Variants in RBFOX1 observed in about 807,000 individuals in gnomAD.
The protein encoded by RBFOX1 is RNA binding protein fox-1 homolog 1.
A neutral mutation model predicts 57.7 loss-of-function variants in RBFOX1; 8 were observed. The observed-to-expected ratio is 0.14, with a 90% CI of 0.08 to 0.25. The LOEUF (loss-of-function observed/expected upper bound fraction) is 0.25, where lower values mean the gene tolerates loss of function less well. RBFOX1 is among the 10% of genes least tolerant of loss of function. The pLI, the probability that RBFOX1 is intolerant of heterozygous loss-of-function variation, is 1.00. For missense variants in RBFOX1, 611 were observed against 548.5 expected (o/e 1.11, Z -1.14); for synonymous variants, 326 against 222.4 (o/e 1.47, Z -4.15).
At chr16:5,810,443 T>C (rs549966274) in intron 3 of RBFOX1, among the ~76,000 whole-genome samples, 1 of 152,162 alleles carries the variant, frequency 6.6e-6, no homozygotes, top group Non-Finnish European at 1.5e-5. Flanking sequence ...TTGTGGAAAA[T>C]TAATTTTTGT....
upstream of RBFOX1, among the ~76,000 whole-genome samples, chr16:6,018,338 C>T (rs151058439): frequency 1.3e-5 from 2 of 152,282 alleles, no homozygotes; most frequent in Non-Finnish European, 2.9e-5. Context: ...GGATAAACCT[C>T]CAGTATCTAC....
intron 3 of RBFOX1, among the ~76,000 whole-genome samples, chr16:5,852,835 G>A (rs1483572742): frequency 2.0e-5 from 3 of 151,694 alleles, no homozygotes; most frequent in African/African-American, 7.3e-5. Context: ...ATCTCTAAGG[G>A]GAAAAAAAAG....
At chr16:5,666,443 C>T (rs757923757) in intron 3 of RBFOX1, among the ~76,000 whole-genome samples, 10 of 152,164 alleles carry the variant, frequency 6.6e-5, no homozygotes, top group Middle Eastern at 3.2e-3. Flanking sequence ...ATTGAATTCA[C>T]TTTGTTCCCT....
rs143236925 is a variant in RBFOX1 at position 6,935,387 on chromosome 16, T to C, written c.-15-116670T>C. On this transcript the variant is annotated intron_variant, in intron 3 of 15. Transcript: ENST00000550418. ...ATAGAATAGAATGTAGCAGACACAA[T>C]ACCATGTGACTTCCAACAGTAGATC... Among the ~76,000 whole-genome samples, 187 of 152,286 alleles carry C rather than the reference T, an allele frequency of 1.2e-3. 1 individual carries two copies. The highest frequency in any genetic ancestry group is 4.3e-3 in the African/African-American group (180 of 41,578).
chr16:6,993,471 T>C (rs1057237588), intron 3 of RBFOX1, among the ~76,000 whole-genome samples: 6 of 152,112 alleles, frequency 3.9e-5, no homozygotes, highest in Admixed American at 3.9e-4. Flanking sequence ...GAAGGGGAGA[T>C]GGGGAAAGCC....
At chr16:7,294,282 TC>T (rs1433775917) in intron 4 of RBFOX1, among the ~76,000 whole-genome samples, 1 of 152,110 alleles carries the variant, frequency 6.6e-6, no homozygotes, top group African/African-American at 2.4e-5. Context: ...GGAAACAGAC[TC>T]CCACCCTCTC....
chr16:7,711,351 A>G lies in RBFOX1; in HGVS notation c.*606A>G, dbSNP rs1216794834. ...GTCATGTTGTTAAGGGGGTGCTTCT[A>G]GTAGCACTTGTGCATCTGAGTTGAA... On this transcript the variant is annotated 3_prime_UTR_variant, in exon 16 of 16. Transcript: ENST00000550418. 6.6e-6 allele frequency: 1 copy of G among 152,608 alleles called. No homozygotes were observed. The highest frequency in any genetic ancestry group is 1.5e-5 in the Non-Finnish European group (1 of 68,044). 9.5% of individuals were successfully genotyped at this position (152,608 alleles called of 1,614,324 possible).
intron 4 of RBFOX1, among the ~76,000 whole-genome samples, chr16:7,449,585 G>T (rs149449488): frequency 2.6e-5 from 4 of 151,860 alleles, no homozygotes; most frequent in African/African-American, 9.7e-5. Context: ...CTTTAACCTC[G>T]TTAGACTTGA....
chr16:5,589,181 C>G (rs2046928180), intron 2 of RBFOX1, among the ~76,000 whole-genome samples: 1 of 152,106 alleles, frequency 6.6e-6, no homozygotes, highest in African/African-American at 2.4e-5. Context: ...GCTGTTGGCC[C>G]CTATCTGCAC....
intron 1 of RBFOX1, among the ~76,000 whole-genome samples, chr16:5,292,132 A>G (rs186881585): frequency 1.3e-5 from 2 of 152,342 alleles, no homozygotes; most frequent in East Asian, 3.9e-4. Context: ...TTAAGAAAGC[A>G]TATTAAATTA....
chr16:7,693,446 G>A (rs1598269761), intron 14 of RBFOX1: 2 of 1,007,952 alleles, frequency 2.0e-6, no homozygotes, highest in African/African-American at 1.9e-5. Context: ...TTCTTCACAT[G>A]CTGCAGTTGG....
At chr16:5,297,288 T>C (rs1457656112) in intron 1 of RBFOX1, among the ~76,000 whole-genome samples, 1 of 152,252 alleles carries the variant, frequency 6.6e-6, no homozygotes, top group Non-Finnish European at 1.5e-5. Flanking sequence ...CTGGATCATA[T>C]GGTAGTTCTA....
At chr16:5,659,255 A>G (rs1316104074) in intron 3 of RBFOX1, among the ~76,000 whole-genome samples, 1 of 146,710 alleles carries the variant, frequency 6.8e-6, no homozygotes, top group African/African-American at 2.5e-5. Context: ...TTCCCTGATG[A>G]TTACTGATGT....
chr16:6,947,732 A>C (rs1321839538), intron 3 of RBFOX1, among the ~76,000 whole-genome samples: 1 of 152,172 alleles, frequency 6.6e-6, no homozygotes, highest in African/African-American at 2.4e-5. Context: ...ACGTTTACTT[A>C]GGTGGCTTTC....
At chr16:5,267,099 A>T (rs1396948289) in intron 1 of RBFOX1, among the ~76,000 whole-genome samples, 1 of 151,698 alleles carries the variant, frequency 6.6e-6, no homozygotes, top group African/African-American at 2.4e-5. Flanking sequence ...ACATCTCTGC[A>T]TAAAGGATTT....
intron 1 of RBFOX1, among the ~76,000 whole-genome samples, chr16:6,280,854 T>C (rs565887441): frequency 6.6e-6 from 1 of 152,024 alleles, no homozygotes; most frequent in East Asian, 2.0e-4. Flanking sequence ...TGTGGCTATT[T>C]CCTTTTCCTT....
chr16:7,495,299 G>C (rs1260320555), intron 4 of RBFOX1, among the ~76,000 whole-genome samples: 6 of 152,166 alleles, frequency 3.9e-5, no homozygotes, highest in Admixed American at 3.9e-4. Context: ...GTGTCTTTCT[G>C]AGATAACAAT....
Position 7,066,485 on chromosome 16 carries a change from C to G in RBFOX1, c.27+14387C>G, listed in dbSNP as rs547009258. Among the ~76,000 whole-genome samples the G allele has an allele frequency of 7.2e-5, 11 of 152,310 alleles. No individual in the cohort carries two copies. In the East Asian group the frequency reaches 2.1e-3, roughly 29 times the overall value. ...TCCAACTATGACAGGTGGAAAATGC[C>G]TCCCCTGGTTAGTTAGAAATTTAAA... On this transcript the variant is annotated intron_variant, in intron 4 of 15. Transcript: ENST00000550418.
chr16:5,334,519 T>C (rs971227967), intron 1 of RBFOX1, among the ~76,000 whole-genome samples: 16 of 151,932 alleles, frequency 1.1e-4, no homozygotes, highest in Non-Finnish European at 5.9e-5. Flanking sequence ...TGGAGGATTC[T>C]AGTAAATAAA....
Sources: gnomAD v4.1 joint callset for allele counts (sites outside exome capture counted in the v4.1 genomes callset) on GRCh38, gnomAD v4.1.1 for gene constraint, MANE v1.5 for transcripts, NCBI Gene and HGNC (gene_info 2026-07-23, HGNC 2026-07-21) for gene names.